The following IL12A variants were observed in gnomAD, a reference collection of about 807,000 sequenced individuals.
IL12A encodes interleukin 12A, also known as interleukin-12 subunit alpha.
In IL12A, 16 loss-of-function variants were observed where a neutral mutation model predicts 23.5. The ratio of observed to expected loss-of-function variants is 0.68; its 90% CI spans 0.46 to 1.03. The LOEUF is 1.03. IL12A is among the 50% of genes least tolerant of loss of function. IL12A has a pLI of 0.00. For missense variants in IL12A, 275 were observed against 307.0 expected, an observed-to-expected ratio of 0.90 and a Z score of 0.78; for synonymous variants, 106 against 111.5, an observed-to-expected ratio of 0.95 and a Z score of 0.31.
intron 1 of IL12A, chr3:159,989,378 T>C (rs373088816): frequency 1.7e-6 from 1 of 577,256 alleles, no homozygotes; most frequent in Non-Finnish European, 3.1e-6. Flanking sequence ...TGATGAGCTA[T>C]CATTATGCCC....
intron 1 of IL12A, among the ~76,000 whole-genome samples, chr3:159,989,804 C>G (rs1385019227): frequency 6.6e-6 from 1 of 152,176 alleles, no homozygotes; most frequent in African/African-American, 2.4e-5. Flanking sequence ...AAAAGTCAGG[C>G]TTTCTCACTC....
intron 6 of IL12A, 76 bp downstream of exon 6, chr3:159,993,920 A>G: frequency 1.3e-6 from 2 of 1,501,768 alleles, no homozygotes; most frequent in Non-Finnish European, 1.8e-6. Context: ...ATAAAGAGAT[A>G]TAAAAAGAGG....
chr3:159,995,288 G>GGATAGGGTTTAT (rs148075819), intron 6 of IL12A, 116 bp from the exon 7 acceptor site: 70,689 of 687,324 alleles, frequency 0.1, 4,482 homozygotes, highest in Non-Finnish European at 0.12. Flanking sequence ...GTTTAGGAGT[G>GGATAGGGTTTAT]GCATAAGGGA....
rs772904833 is a variant in IL12A, at chr3:159,995,593, A to G, written c.*34A>G. 7.9e-6 allele frequency: 12 copies of G among 1,519,484 alleles called. No homozygotes were observed. In the South Asian group the frequency reaches 1.6e-4, roughly 20 times the overall value. 94.1% of individuals were successfully genotyped at this position (1,519,484 alleles called of 1,614,324 possible). On this transcript the variant is annotated 3_prime_UTR_variant, in exon 7 of 7. Transcript: ENST00000305579. ...GTCCCTCCAAACCGTTGTCATTTTT[A>G]TAAAACTTTGAAATGAGGAAACTTT...
At chr3:159,993,365 C>G in intron 3 of IL12A, 86 bp from the exon 4 acceptor site, 1 of 1,015,526 alleles carries the variant, frequency 9.8e-7, no homozygotes, top group Non-Finnish European at 1.5e-6. Context: ...TGTGTTTTTA[C>G]CATAATAAAA....
At position 159,993,564 on chromosome 3, in the gene IL12A, C is replaced by T. The variant is rs761130017; in HGVS notation, c.421-4C>T. The T allele has an allele frequency of 1.2e-6, 2 of 1,613,906 alleles. No homozygotes were observed. The highest frequency in any genetic ancestry group is 3.3e-5 in the Admixed American group (2 of 59,984). ...CACTGATGTCTGATTATTTTTTCCT[C>T]TAGAATGGGAGTTGCCTGGCCTCCA... On this transcript the variant is annotated splice_polypyrimidine_tract_variant and splice_region_variant and intron_variant, in intron 4 of 6. Coordinates refer to ENST00000305579, the MANE Select transcript of IL12A (RefSeq NM_000882.4).
In IL12A at chr3:159,993,950, C is replaced by A. The variant is rs572484198; in HGVS notation, c.606+106C>A. The stretch of plus-strand genomic sequence containing the variant: ...AAGAGGTCTGGAGGCCTTTTAAAGG[C>A]CTGACAGACCTACATTTTCAAGAAG... On this transcript the variant is annotated intron_variant, in intron 6 of 6. Transcript: ENST00000305579. 5 of 1,064,622 alleles carry A rather than the reference C, an allele frequency of 4.7e-6. No individual in the cohort carries two copies. In the African/African-American group the frequency reaches 7.9e-5, roughly 17 times the overall value. 65.9% of individuals were successfully genotyped at this position (1,064,622 alleles called of 1,614,324 possible).
rs544382088 is a variant in IL12A at position 159,992,444 on chromosome 3, A to G, written c.265-568A>G. Among the ~76,000 whole-genome samples, 5 of 152,310 alleles carry G rather than the reference A, an allele frequency of 3.3e-5. No homozygotes were observed. The South Asian group carries it at 1.0e-3, about 32-fold the overall frequency. ...AATGGAAAAATGATCGTAATCTTCAATCATACAGTCCTTTACTTCCTAAGA... is the reference window on the plus strand; with the variant it reads ...AATGGAAAAATGATCGTAATCTTCAGTCATACAGTCCTTTACTTCCTAAGA... On this transcript the variant is annotated intron_variant, in intron 2 of 6. Transcript: ENST00000305579.
Position 159,990,126 on chromosome 3 carries a change from A to C in IL12A, c.119-41A>C, listed in dbSNP as rs1039445034. 3.7e-6 allele frequency: 6 copies of C among 1,607,150 alleles called. No individual in the cohort carries two copies. In the African/African-American group the frequency reaches 6.7e-5, roughly 18 times the overall value. ...GGAGGGAAGGTGGTGCAGGCAGGCC[A>C]TCCAGGCTGAAGCTCCTCCACCTGC... On this transcript the variant is annotated intron_variant, in intron 1 of 6. Coordinates refer to ENST00000305579, the MANE Select transcript of IL12A (RefSeq NM_000882.4).
intron 3 of IL12A, 101 bp from the exon 4 acceptor site, chr3:159,993,350 T>C: frequency 1.2e-6 from 1 of 867,158 alleles, no homozygotes; most frequent in South Asian, 1.6e-5. Flanking sequence ...CTAAATATTA[T>C]GATATGTGTT....
intron 6 of IL12A, chr3:159,994,300 A>C: frequency 6.4e-6 from 1 of 156,174 alleles, no homozygotes; most frequent in Non-Finnish European, 1.4e-5. Flanking sequence ...ATATCTGCAA[A>C]TATTGCTGGG....
At chr3:159,991,085 C>A (rs535500447) in intron 2 of IL12A, among the ~76,000 whole-genome samples, 1 of 152,286 alleles carries the variant, frequency 6.6e-6, no homozygotes, top group African/African-American at 2.4e-5. Flanking sequence ...CCCTTTCAAT[C>A]TTTCATAATG....
chr3:159,995,254 TG>T (rs1720455015), intron 6 of IL12A, 149 bp from the exon 7 acceptor site: 1 of 468,472 alleles, frequency 2.1e-6, no homozygotes, highest in African/African-American at 2.0e-5. Context: ...CCTGGTGATC[TG>T]GCTGAGAGTA....
At chr3:159,989,261 C>T in intron 1 of IL12A, 87 bp downstream of exon 1, 1 of 1,023,344 alleles carries the variant, frequency 9.8e-7, no homozygotes, top group Non-Finnish European at 1.5e-6. Flanking sequence ...TCAAGTCTGC[C>T]TAAGGAGAGA....
At position 159,988,941 on chromosome 3, in the gene IL12A, C is replaced by A; in HGVS notation, c.-116C>A. The A allele has an allele frequency of 1.1e-6, 1 of 886,600 alleles. No homozygotes were observed. Among genetic ancestry groups the A allele is most frequent in the Non-Finnish European group, 1.8e-6 (1 of 556,958 alleles). The allele number at this position is 886,600 out of a possible 1,614,324, so 54.9% of individuals were successfully genotyped here. A position where few individuals can be genotyped will look rare whatever the true frequency, so the allele number is the denominator to read the frequency against. ...CGAAAGCGCCGCAAGCCCCGCGGGC[C>A]GGCCGCACCGCACGTGTCACCGAGA... On this transcript the variant is annotated 5_prime_UTR_variant, in exon 1 of 7. Coordinates refer to ENST00000305579, the MANE Select transcript of IL12A (RefSeq NM_000882.4).
At chr3:159,990,976 C>A (rs1560122047) in intron 2 of IL12A, among the ~76,000 whole-genome samples, 1 of 152,208 alleles carries the variant, frequency 6.6e-6, no homozygotes, top group Non-Finnish European at 1.5e-5. Flanking sequence ...TGCCTTTCTG[C>A]TCTCTAGGAA....
In IL12A at chr3:159,995,488, A is replaced by G. The variant is rs1384783987; in HGVS notation, c.691A>G (p.Ile231Val). The G allele has an allele frequency of 3.7e-6, 6 of 1,609,330 alleles. No individual in the cohort carries two copies. Among genetic ancestry groups the G allele is most frequent in the Non-Finnish European group, 5.1e-6 (6 of 1,178,136 alleles). ...TTATAAAACTAAAATCAAGCTCTGC[A>G]TACTTCTTCATGCTTTCAGAATTCG... Residue 231 changes from isoleucine (I) to valine (V), a missense_variant, in exon 7 of 7, where the codon ATA (isoleucine) becomes GTA (valine). By Grantham distance (29) the Ile-to-Val change is conservative. Coordinates refer to ENST00000305579, the MANE Select transcript of IL12A (RefSeq NM_000882.4).
At chr3:159,989,777 C>T (rs1475238736) in intron 1 of IL12A, among the ~76,000 whole-genome samples, 2 of 152,054 alleles carry the variant, frequency 1.3e-5, no homozygotes, top group South Asian at 2.1e-4. Context: ...AGTGAGACTC[C>T]GTCTTAAAAA....
At chr3:159,992,541 G>A (rs475825) in intron 2 of IL12A, among the ~76,000 whole-genome samples, 2 of 152,118 alleles carry the variant, frequency 1.3e-5, no homozygotes, top group African/African-American at 4.8e-5. Context: ...GTGTGTGCGT[G>A]TGTGCACTGC....
Sources: allele counts gnomAD v4.1 joint callset (sites outside exome capture counted in the v4.1 genomes callset), GRCh38; gene constraint gnomAD v4.1.1; transcripts MANE v1.5; gene names NCBI Gene and HGNC (gene_info 2026-07-23, HGNC 2026-07-21).